ANKRD30B: variants seen among roughly 807,000 people sequenced by gnomAD.
ANKRD30B encodes the protein ankyrin repeat domain-containing protein 30B.
A neutral mutation model predicts 202.2 loss-of-function variants in ANKRD30B; 144 were observed. That is an observed-to-expected ratio of 0.71 (90% CI 0.62 to 0.82). The LOEUF (loss-of-function observed/expected upper bound fraction) is 0.82. ANKRD30B is among the 40% of genes least tolerant of loss of function. ANKRD30B has a pLI of 0.00. For synonymous variants in ANKRD30B, 508 were observed against 561.3 expected (o/e 0.91, Z 1.34); for missense variants, 1,487 against 1,669.1 (o/e 0.89, Z 1.90).
At chr18:14,781,428 G>A (rs1327033551) in intron 11 of ANKRD30B, among the ~76,000 whole-genome samples, 1 of 128,290 alleles carries the variant, frequency 7.8e-6, no homozygotes, top group Admixed American at 7.9e-5. Flanking sequence ...CGGAGTAGCT[G>A]GGACTACAGG....
intron 24 of ANKRD30B, among the ~76,000 whole-genome samples, chr18:14,805,272 T>C (rs1354835392): frequency 2.0e-5 from 3 of 150,962 alleles, no homozygotes; most frequent in African/African-American, 7.3e-5. Context: ...AATACTTAAA[T>C]TGTTGTTATT....
At position 14,748,386 on chromosome 18, in the gene ANKRD30B, A is replaced by G; in HGVS notation, c.-34A>G. ...TAGGGGCTGGGGAAGGGCGAGCGGG[A>G]GGCGCGGGCTCTCTCTAGCAGGGGG... On this transcript the variant is annotated 5_prime_UTR_variant, in exon 1 of 44. Transcript: ENST00000690538. 2 of 1,410,060 alleles carry G rather than the reference A, an allele frequency of 1.4e-6. No homozygotes were observed. Among genetic ancestry groups the G allele is most frequent in the African/African-American group, 1.5e-5 (1 of 68,214 alleles). 87.3% of individuals were successfully genotyped at this position (1,410,060 alleles called of 1,614,324 possible).
rs537343505 is a variant in ANKRD30B at position 14,805,948 on chromosome 18, T to G, written c.2284+2124T>G. Reference sequence around the variant, plus strand: ...TTATTTAAAGATTTCAGGCCAGGCGTGGTGACTCACGCCTGTAATCCCAGC... The same window carrying G: ...TTATTTAAAGATTTCAGGCCAGGCGGGGTGACTCACGCCTGTAATCCCAGC... On this transcript the variant is annotated intron_variant, in intron 24 of 43. Transcript: ENST00000690538. 4.6e-5 allele frequency among the ~76,000 whole-genome samples: 7 copies of G among 150,622 alleles called. No individual in the cohort carries two copies. In the East Asian group the frequency reaches 1.4e-3, roughly 29 times the overall value.
the ANKRD30B span, among the ~76,000 whole-genome samples, chr18:14,874,946 C>T: frequency 6.6e-6 from 1 of 152,186 alleles, no homozygotes; most frequent in Non-Finnish European, 1.5e-5. Context: ...GAGGTCAAGG[C>T]CGCTGATGCT....
At chr18:14,856,456 C>T (rs531579411), downstream of ANKRD30B, among the ~76,000 whole-genome samples, 21 of 137,592 alleles carry the variant, frequency 1.5e-4, 1 homozygote, top group Non-Finnish European at 2.6e-4. Flanking sequence ...ACTGCCAGAC[C>T]GGGCGGCCGG....
intron 16 of ANKRD30B, among the ~76,000 whole-genome samples, chr18:14,793,712 G>A (rs1968679086): frequency 6.6e-6 from 1 of 151,914 alleles, no homozygotes. Flanking sequence ...GGCTAACACG[G>A]TGAAACCCCA....
At chr18:14,899,415 G>C in the ANKRD30B span, among the ~76,000 whole-genome samples, 1 of 151,978 alleles carries the variant, frequency 6.6e-6, no homozygotes, top group Non-Finnish European at 1.5e-5. Context: ...CTAGTTTTGG[G>C]ATCTAATCAT....
the ANKRD30B span, among the ~76,000 whole-genome samples, chr18:14,924,884 G>A: frequency 6.6e-6 from 1 of 152,202 alleles, no homozygotes; most frequent in Non-Finnish European, 1.5e-5. Context: ...GGGCTGGACT[G>A]CTCAGGCCCA....
At chr18:14,914,068 C>T in the ANKRD30B span, among the ~76,000 whole-genome samples, 2 of 152,172 alleles carry the variant, frequency 1.3e-5, no homozygotes, top group Non-Finnish European at 2.9e-5. Context: ...TACCAGAGAC[C>T]ATCCTCATAA....
At chr18:14,882,478 C>A in the ANKRD30B span, among the ~76,000 whole-genome samples, 1 of 152,184 alleles carries the variant, frequency 6.6e-6, no homozygotes, top group Non-Finnish European at 1.5e-5. Flanking sequence ...GTGCGTGATA[C>A]AATTTCAATT....
intron 24 of ANKRD30B, 139 bp from the exon 25 acceptor site, chr18:14,808,412 C>T: frequency 1.1e-6 from 1 of 922,696 alleles, no homozygotes; most frequent in Admixed American, 2.0e-5. Flanking sequence ...AATACAAAAA[C>T]CCAAAAGACC....
chr18:14,796,958 G>A (rs1199045820), intron 18 of ANKRD30B, among the ~76,000 whole-genome samples: 10 of 152,178 alleles, frequency 6.6e-5, no homozygotes, highest in Admixed American at 1.3e-4. Context: ...TGTGTGCATC[G>A]GTAATTTCTA....
At chr18:14,935,570 C>T in the ANKRD30B span, among the ~76,000 whole-genome samples, 2 of 152,230 alleles carry the variant, frequency 1.3e-5, no homozygotes, top group Admixed American at 1.3e-4. Context: ...TGTGCAATTA[C>T]TAGTTCTGGT....
At chr18:14,920,771 G>A in the ANKRD30B span, among the ~76,000 whole-genome samples, 1 of 152,208 alleles carries the variant, frequency 6.6e-6, no homozygotes, top group Admixed American at 6.5e-5. Flanking sequence ...CCCACCATGG[G>A]AACTCCTTCG....
the ANKRD30B span, among the ~76,000 whole-genome samples, chr18:14,881,590 G>C: frequency 6.6e-6 from 1 of 152,116 alleles, no homozygotes; most frequent in Non-Finnish European, 1.5e-5. Flanking sequence ...GGTGACGCTG[G>C]CTTCATAGAA....
At chr18:14,833,166 ACCTCGTGATCTGCC>A (rs1459088591) in intron 34 of ANKRD30B, among the ~76,000 whole-genome samples, 1 of 150,868 alleles carries the variant, frequency 6.6e-6, no homozygotes, top group Non-Finnish European at 1.5e-5. Flanking sequence ...CGATCTCTTC[ACCTCGTGATCTGCC>A]CTCCTAGGCC....
At chr18:14,887,039 T>C in the ANKRD30B span, among the ~76,000 whole-genome samples, 3 of 152,156 alleles carry the variant, frequency 2.0e-5, no homozygotes, top group African/African-American at 7.2e-5. Flanking sequence ...CCAAATACTA[T>C]TTATGTAAAG....
Position 14,851,616 on chromosome 18 carries a change from C to T in ANKRD30B, c.3672C>T (p.His1224=), listed in dbSNP as rs1474280993. 18 of 1,611,440 alleles carry T rather than the reference C, an allele frequency of 1.1e-5. No homozygotes were observed. Among genetic ancestry groups the T allele is most frequent in the Non-Finnish European group, 1.4e-5 (17 of 1,178,878 alleles). ...KLEVATLKHQ[H]QVKENKYFED... ...AAGTAGCCACACTGAAACATCAACA[C>T]CAGGTGAAGGAAAATAAATACTTTG... The change falls in exon 42 of 44, where the codon CAC becomes CAT. Residue 1224 remains histidine (H), a synonymous_variant. Coordinates refer to ENST00000690538, the MANE Select transcript of ANKRD30B (RefSeq NM_001367607.2).
the ANKRD30B span, among the ~76,000 whole-genome samples, chr18:14,889,291 G>A: frequency 6.6e-6 from 1 of 152,098 alleles, no homozygotes; most frequent in Non-Finnish European, 1.5e-5. Context: ...TCCCTCAGGT[G>A]AGAGACTTGT....
Sources: gnomAD v4.1 joint callset for allele counts (sites outside exome capture counted in the v4.1 genomes callset) on GRCh38, gnomAD v4.1.1 for gene constraint, MANE v1.5 for transcripts, NCBI Gene and HGNC (gene_info 2026-07-23, HGNC 2026-07-21) for gene names.